The following CYYR1 variants were observed in gnomAD, a reference collection of about 807,000 sequenced individuals.
CYYR1 encodes cysteine and tyrosine rich 1, also known as cysteine and tyrosine-rich protein 1.
Under a neutral mutation model 15.2 loss-of-function variants are expected in CYYR1, and 14 were observed. The ratio of observed to expected loss-of-function variants is 0.92; its 90% CI spans 0.61 to 1.44. The LOEUF (loss-of-function observed/expected upper bound fraction) is 1.44. Ranked by LOEUF, CYYR1 falls within the 40% of genes most tolerant of loss-of-function variation. CYYR1 has a pLI of 0.00. For missense variants in CYYR1, 228 were observed against 209.5 expected (o/e 1.09, Z -0.54); for synonymous variants, 80 against 77.4 (o/e 1.03, Z -0.18).
At chr21:26,533,768 G>A (rs775537814) in intron 2 of CYYR1, among the ~76,000 whole-genome samples, 6 of 152,116 alleles carry the variant, frequency 3.9e-5, no homozygotes, top group South Asian at 2.1e-4. Context: ...GTTGGTGTGC[G>A]TGTGTATGTA....
chr21:26,500,410 C>A (rs1248948829), intron 2 of CYYR1, among the ~76,000 whole-genome samples: 1 of 152,068 alleles, frequency 6.6e-6, no homozygotes, highest in East Asian at 1.9e-4. Context: ...GGGCAATGGG[C>A]CACAATAGGA....
chr21:26,480,260 A>T lies in CYYR1; in HGVS notation c.334+12T>A. On this transcript the variant is annotated intron_variant, in intron 3 of 3. Transcript: ENST00000652641. Reference sequence around the variant, plus strand: ...CAAATCTGAGCCTTCGAGAGTCAACAGTTTTGCTCACCAGGATAGGAGGAG... The same window carrying T: ...CAAATCTGAGCCTTCGAGAGTCAACTGTTTTGCTCACCAGGATAGGAGGAG... 2 of 1,599,476 alleles carry T rather than the reference A, an allele frequency of 1.3e-6. No homozygotes were observed. Among genetic ancestry groups the T allele is most frequent in the Non-Finnish European group, 1.7e-6 (2 of 1,173,884 alleles).
At chr21:26,549,256 A>T (rs971907859) in intron 2 of CYYR1, among the ~76,000 whole-genome samples, 3 of 152,152 alleles carry the variant, frequency 2.0e-5, no homozygotes, top group Non-Finnish European at 4.4e-5. Flanking sequence ...GGGGTTCTGC[A>T]GTTCTATGTG....
intron 2 of CYYR1, among the ~76,000 whole-genome samples, chr21:26,521,187 G>A (rs896509974): frequency 6.6e-6 from 1 of 152,056 alleles, no homozygotes; most frequent in African/African-American, 2.4e-5. Flanking sequence ...ATGTATCTTG[G>A]AACTTAAAAT....
At chr21:26,480,566 T>TA (rs1190076265) in intron 2 of CYYR1, 137 bp from the exon 3 acceptor site, 1 of 574,290 alleles carries the variant, frequency 1.7e-6, no homozygotes, top group Non-Finnish European at 2.2e-6. Flanking sequence ...TTTTCTTTTC[T>TA]TTTTTTTTTT....
intron 2 of CYYR1, among the ~76,000 whole-genome samples, chr21:26,513,364 C>T (rs186448519): frequency 2.6e-5 from 4 of 152,268 alleles, no homozygotes; most frequent in Admixed American, 2.6e-4. Flanking sequence ...GGCACAGATC[C>T]CTGGAGGCTG....
At chr21:26,500,740 G>A (rs1177108913) in intron 2 of CYYR1, among the ~76,000 whole-genome samples, 1 of 152,148 alleles carries the variant, frequency 6.6e-6, no homozygotes, top group African/African-American at 2.4e-5. Flanking sequence ...TCTCCCCAAG[G>A]GCAGGTGACC....
At chr21:26,551,754 G>A in intron 2 of CYYR1, 1 of 210,898 alleles carries the variant, frequency 4.7e-6, no homozygotes, top group Non-Finnish European at 9.5e-6. Context: ...TATTCCTGGT[G>A]AAAATGCTGT....
intron 3 of CYYR1, among the ~76,000 whole-genome samples, chr21:26,475,956 G>A (rs2065097801): frequency 6.6e-6 from 1 of 152,094 alleles, no homozygotes; most frequent in South Asian, 2.1e-4. Context: ...TTACACATCT[G>A]ATGAAGATTG....
In CYYR1 at chr21:26,573,239, C is replaced by T. The variant is rs1279121109; in HGVS notation, c.-299G>A. The T allele has an allele frequency of 7.2e-7, 1 of 1,385,896 alleles. No individual in the cohort carries two copies. The highest frequency in any genetic ancestry group is 9.5e-7 in the Non-Finnish European group (1 of 1,056,754). 85.8% of individuals were successfully genotyped at this position (1,385,896 alleles called of 1,614,324 possible). On this transcript the variant is annotated 5_prime_UTR_variant, in exon 1 of 4. Transcript: ENST00000652641. ...CGGGGAAGGCGGCCACTCCGGCGTC[C>T]TTGGCCACCCAGGCTCACATTTCAT...
intron 2 of CYYR1, among the ~76,000 whole-genome samples, chr21:26,517,691 G>A (rs1221001942): frequency 6.6e-6 from 1 of 152,078 alleles, no homozygotes; most frequent in African/African-American, 2.4e-5. Flanking sequence ...GAGTAGCTGG[G>A]ATTACAGGCA....
intron 2 of CYYR1, among the ~76,000 whole-genome samples, chr21:26,559,172 T>C (rs1980020952): frequency 1.3e-5 from 2 of 152,176 alleles, no homozygotes; most frequent in South Asian, 4.1e-4. Flanking sequence ...TATGAGACGG[T>C]ATTTCAATGT....
chr21:26,542,277 ATGTG>A (rs138562563), intron 2 of CYYR1, among the ~76,000 whole-genome samples: 1 of 128,262 alleles, frequency 7.8e-6, no homozygotes, highest in Non-Finnish European at 1.6e-5. Context: ...GAGAGAGAAT[ATGTG>A]TGTGTGTGCG....
At chr21:26,471,150 G>A (rs967912727) in intron 3 of CYYR1, 2 of 152,116 alleles carry the variant, frequency 1.3e-5, no homozygotes, top group Non-Finnish European at 2.9e-5. Flanking sequence ...TAGGAGCACT[G>A]AGACAAAGAG....
chr21:26,483,325 G>T (rs777699922), intron 2 of CYYR1: 31 of 355,148 alleles, frequency 8.7e-5, no homozygotes, highest in Non-Finnish European at 1.1e-4. Flanking sequence ...GTCCTGTCTG[G>T]GTTCTTTTTT....
intron 2 of CYYR1, among the ~76,000 whole-genome samples, chr21:26,492,363 T>A (rs8134923): frequency 0.052 from 7,982 of 152,294 alleles, 703 homozygotes; most frequent in African/African-American, 0.18. Flanking sequence ...ATTAGATACC[T>A]GTCCTTAGAC....
intron 2 of CYYR1, among the ~76,000 whole-genome samples, chr21:26,533,215 ATATATAT>A (rs1412943568): frequency 6.7e-6 from 1 of 148,632 alleles, no homozygotes; most frequent in Non-Finnish European, 1.5e-5. Flanking sequence ...TAATTTATAC[ATATATAT>A]TATATTCATA....
At chr21:26,539,679 T>C (rs534357604) in intron 2 of CYYR1, among the ~76,000 whole-genome samples, 2 of 152,316 alleles carry the variant, frequency 1.3e-5, no homozygotes, top group East Asian at 3.9e-4. Context: ...ATCTCTATGT[T>C]CTCTAGTCTA....
chr21:26,566,838 G>A (rs756575079), intron 1 of CYYR1, among the ~76,000 whole-genome samples: 5 of 151,932 alleles, frequency 3.3e-5, no homozygotes, highest in Admixed American at 6.6e-5. Context: ...ATAAAATCCC[G>A]TGTCTACTAA....
Sources: allele counts gnomAD v4.1 joint callset (sites outside exome capture counted in the v4.1 genomes callset), GRCh38; gene constraint gnomAD v4.1.1; transcripts MANE v1.5; gene names NCBI Gene and HGNC (gene_info 2026-07-23, HGNC 2026-07-21).